Variants in PRG4 observed in about 807,000 individuals in gnomAD.
The protein encoded by PRG4 is proteoglycan 4, also known as articular superficial zone protein.
PRG4 carries 61 observed loss-of-function variants against 91.2 expected under a neutral mutation model. That is an observed-to-expected ratio of 0.67 (90% CI 0.54 to 0.83). PRG4 has a LOEUF of 0.83. Among genes scored for constraint, PRG4 ranks in the 40% least tolerant of loss-of-function variants. The pLI, the probability that PRG4 is intolerant of heterozygous loss-of-function variation, is 0.00. For synonymous variants in PRG4, 576 were observed against 614.2 expected (o/e 0.94, Z 0.92); for missense variants, 1,564 against 1,714.2 (o/e 0.91, Z 1.55).
intron 12 of PRG4, chr1:186,313,428 T>C: frequency 2.3e-6 from 1 of 443,684 alleles, no homozygotes; most frequent in Non-Finnish European, 4.0e-6. Context: ...TACTCTTTAA[T>C]GTTTACTTCA....
At chr1:186,299,247 T>G (rs1440467856) in intron 2 of PRG4, among the ~76,000 whole-genome samples, 1 of 152,224 alleles carries the variant, frequency 6.6e-6, no homozygotes, top group Non-Finnish European at 1.5e-5. Context: ...GTTCATGACC[T>G]TTATAGTTAT....
chr1:186,306,262 C>A, intron 6 of PRG4, 56 bp from the exon 7 acceptor site: 2 of 1,359,272 alleles, frequency 1.5e-6, no homozygotes, highest in South Asian at 1.3e-5. Flanking sequence ...ATCTTTATGT[C>A]ACTATTAAAG....
rs750883751 is a variant in PRG4, at chr1:186,306,325, T to C, written c.606T>C (p.Asp202=). The stretch of plus-strand genomic sequence containing the variant: ...TGTATATTTTTTCTCCAGTAAAAGA[T>C]AACAAGAAGAACAGAACTAAAAAGA... ...RELQKKLKVK[D]NKKNRTKKKP... The change falls in exon 7 of 13, where the codon GAT becomes GAC. Residue 202 remains aspartate, a synonymous_variant. Transcript: ENST00000445192. 2.5e-5 allele frequency: 39 copies of C among 1,584,702 alleles called. No individual in the cohort carries two copies. In the African/African-American group the frequency reaches 3.8e-4, roughly 16 times the overall value.
chr1:186,312,055 A>C, intron 10 of PRG4, 120 bp from the exon 11 acceptor site: 1 of 766,986 alleles, frequency 1.3e-6, no homozygotes, highest in Non-Finnish European at 2.2e-6. Context: ...TAATATCAAT[A>C]TATTATATGA....
chr1:186,296,708 T>G, intron 1 of PRG4, 138 bp from the exon 2 acceptor site: 1 of 621,560 alleles, frequency 1.6e-6, no homozygotes, highest in Non-Finnish European at 2.9e-6. Context: ...AAATTAAAGC[T>G]GATTTAAAGT....
chr1:186,311,955 T>C (rs1657274464), intron 10 of PRG4: 1 of 557,926 alleles, frequency 1.8e-6, no homozygotes, highest in Non-Finnish European at 3.1e-6. Flanking sequence ...AAATTAAATA[T>C]ATAACTATGT....
At position 186,312,193 on chromosome 1, in the gene PRG4, A is replaced by G; in HGVS notation, c.3812A>G (p.Tyr1271Cys). ...ATAACAGGTGGCAGCATTCAGCAGT[A>G]TATTTATAAACAGGAACCTGTACAG... is the stretch of plus-strand genomic sequence containing the variant. ...FFKRGGSIQQ[Y>C]IYKQEPVQKC... Residue 1271 changes from tyrosine to cysteine, a missense_variant, in exon 11 of 13, where the codon TAT becomes TGT. Tyr to Cys is a radical substitution (Grantham distance 194, BLOSUM62 -2). This residue lies in a region of PRG4 where 1,079 missense variants were observed against 1,162.2 expected (regional missense o/e 0.93). Transcript: ENST00000445192. 6.2e-7 allele frequency: 1 copy of G among 1,613,962 alleles called. No homozygotes were observed. Among genetic ancestry groups the G allele is most frequent in the South Asian group, 1.1e-5 (1 of 91,064 alleles).
chr1:186,309,607 G>A, intron 7 of PRG4, among the ~76,000 whole-genome samples, 186 bp from the exon 8 acceptor site: 1 of 152,160 alleles, frequency 6.6e-6, no homozygotes, highest in South Asian at 2.1e-4. Context: ...TAATACTTTT[G>A]AAGAGTATCA....
rs781122191 is a variant in PRG4 at position 186,311,488 on chromosome 1, CCCAAA to C, written c.3690_3694del (p.Lys1230AsnfsTer20). ...CAATGATATAAAAGATGCAGGGTAC[CCCAAA>C]CCAATTTTCAAAGGATTTGGAGGAC... On this transcript the variant is annotated frameshift_variant, in exon 10 of 13. Coordinates refer to ENST00000445192, the MANE Select transcript of PRG4 (RefSeq NM_005807.6). LOFTEE classifies it high-confidence loss of function. The C allele has an allele frequency of 5.0e-6, 8 of 1,613,610 alleles. No individual in the cohort carries two copies. Among genetic ancestry groups the C allele is most frequent in the Non-Finnish European group, 6.8e-6 (8 of 1,179,762 alleles).
rs753011566 is a variant in PRG4, at chr1:186,314,002, C to G, written c.*224C>G. The G allele has an allele frequency of 1.2e-6, 2 of 1,611,714 alleles. No individual in the cohort carries two copies. Among genetic ancestry groups the G allele is most frequent in the East Asian group, 2.2e-5 (1 of 44,754 alleles). The stretch of plus-strand genomic sequence containing the variant: ...AATATTTCCTCTGTTTATTCCTCCT[C>G]TCCCTCCCATTGCATGGCTCACACC... On this transcript the variant is annotated 3_prime_UTR_variant, in exon 13 of 13. Transcript: ENST00000445192.
In PRG4 at chr1:186,309,158, T is replaced by C. The variant is rs1656988746; in HGVS notation, c.3421+18T>C. ...GCTTTCCGGTATTAAGAATCAGTTATTTTCATTTTTAAAGCTGGTAATGTT... is the reference window on the plus strand; with the variant it reads ...GCTTTCCGGTATTAAGAATCAGTTACTTTCATTTTTAAAGCTGGTAATGTT... On this transcript the variant is annotated intron_variant, in intron 7 of 12. Coordinates refer to ENST00000445192, the MANE Select transcript of PRG4 (RefSeq NM_005807.6). 2 of 1,601,038 alleles carry C rather than the reference T, an allele frequency of 1.2e-6. No homozygotes were observed. The highest frequency in any genetic ancestry group is 8.5e-7 in the Non-Finnish European group (1 of 1,171,532).
chr1:186,302,778 G>A (rs1407506298), intron 4 of PRG4, among the ~76,000 whole-genome samples: 1 of 152,198 alleles, frequency 6.6e-6, no homozygotes, highest in Non-Finnish European at 1.5e-5. Context: ...TGTTTTGGCT[G>A]TGAGACAAGA....
Position 186,306,879 on chromosome 1 carries a change from A to C in PRG4, c.1160A>C (p.Lys387Thr). 6.2e-7 allele frequency: 1 copy of C among 1,605,134 alleles called. No homozygotes were observed. Among genetic ancestry groups the C allele is most frequent in the Non-Finnish European group, 8.5e-7 (1 of 1,177,126 alleles). The change falls in exon 7 of 13, where the codon AAG becomes ACG. Residue 387 changes from lysine to threonine, a missense_variant. This residue lies in a region of PRG4 where 437 missense variants were observed against 459.0 expected (regional missense o/e 0.95). Transcript: ENST00000445192. ...TPKEPAPTTT[K>T]SAPTTPKEPA... ...AAGGAGCCTGCACCCACCACCACCA[A>C]GTCTGCACCCACCACTCCCAAGGAG...
Position 186,304,915 on chromosome 1 carries a change from A to T in PRG4, c.591A>T (p.Lys197Asn), listed in dbSNP as rs1656456737. 2 of 1,613,270 alleles carry T rather than the reference A, an allele frequency of 1.2e-6. No homozygotes were observed. Among genetic ancestry groups the T allele is most frequent in the East Asian group, 4.5e-5 (2 of 44,786 alleles). The change falls in exon 6 of 13, where the codon AAA becomes AAT. Residue 197 changes from lysine (K) to asparagine (N), a missense_variant. By Grantham distance (94) the Lys-to-Asn change is moderately conservative. Transcript: ENST00000445192. ...CTGCTAATAGAGAATTACAGAAGAA[A>T]CTCAAAGGTTTGAGCATTGATAAAG... The part of the protein sequence containing the change: ...NSAANRELQK[K>N]LKVKDNKKNR...
At chr1:186,304,392 G>A in intron 5 of PRG4, 135 bp downstream of exon 5, 3 of 1,089,092 alleles carry the variant, frequency 2.8e-6, no homozygotes, top group Non-Finnish European at 4.1e-6. Flanking sequence ...GAAGGTTTTA[G>A]ACTTTGCTTT....
intron 2 of PRG4, among the ~76,000 whole-genome samples, chr1:186,299,629 T>G (rs1215851829): frequency 6.6e-6 from 1 of 152,206 alleles, no homozygotes; most frequent in Non-Finnish European, 1.5e-5. Context: ...CGTGTGATAA[T>G]GAGCAAGTTG....
intron 6 of PRG4, among the ~76,000 whole-genome samples, chr1:186,305,836 T>C (rs1656519785): frequency 6.6e-6 from 1 of 152,114 alleles, no homozygotes; most frequent in African/African-American, 2.4e-5. Context: ...TAGCCCTATG[T>C]ATGGGAACAA....
At position 186,312,179 on chromosome 1, in the gene PRG4, C is replaced by T; in HGVS notation, c.3798C>T (p.Gly1266=). The change falls in exon 11 of 13, where the codon GGC becomes GGT. Residue 1266 remains glycine (G), a synonymous_variant. Transcript: ENST00000445192. ...TGATATTCTAATACATAACAGGTGG[C>T]AGCATTCAGCAGTATATTTATAAAC... ...PESVYFFKRG[G]SIQQYIYKQE... is the part of the protein sequence containing the mutation. 6.2e-7 allele frequency: 1 copy of T among 1,613,340 alleles called. No homozygotes were observed. Among genetic ancestry groups the T allele is most frequent in the African/African-American group, 1.3e-5 (1 of 74,958 alleles).
At position 186,300,121 on chromosome 1, in the gene PRG4, A is replaced by G; in HGVS notation, c.107A>G (p.Glu36Gly). Residue 36 changes from glutamate to glycine, a missense_variant, in exon 3 of 13, where the codon GAA (glutamate) becomes GGA (glycine). Glu to Gly is a moderately conservative substitution (Grantham distance 98, BLOSUM62 -2). Transcript: ENST00000445192. ...DLSSCAGRCG[E>G]GYSRDATCNC... ...TCAAGCTGTGCAGGGAGATGTGGGG[A>G]AGGGTATTCTAGAGATGCCACCTGC... 6.2e-7 allele frequency: 1 copy of G among 1,613,920 alleles called. No individual in the cohort carries two copies. Among genetic ancestry groups the G allele is most frequent in the Non-Finnish European group, 8.5e-7 (1 of 1,179,814 alleles).
Sources: allele counts gnomAD v4.1 joint callset (sites outside exome capture counted in the v4.1 genomes callset), GRCh38; gene constraint gnomAD v4.1.1; regional missense constraint gnomAD v4.1.1; transcripts MANE v1.5; gene names NCBI Gene and HGNC (gene_info 2026-07-23, HGNC 2026-07-21).